Variants in SETD5 observed in about 807,000 individuals in gnomAD.
SETD5 encodes the protein histone-lysine N-methyltransferase SETD5.
In SETD5, 44 loss-of-function variants were observed where a neutral mutation model predicts 153.3. That is an observed-to-expected ratio of 0.29 (90% CI 0.23 to 0.37). SETD5 has a LOEUF of 0.37. Ranked by LOEUF, SETD5 falls within the 10% of genes least tolerant of loss-of-function variation. The pLI is 1.00. For missense variants in SETD5, 1,544 were observed against 1,768.0 expected, an observed-to-expected ratio of 0.87 and a Z score of 2.27; for synonymous variants, 716 against 645.2, an observed-to-expected ratio of 1.11 and a Z score of -1.66.
At chr3:9,406,809 T>C (rs1477747775) in intron 1 of SETD5, among the ~76,000 whole-genome samples, 3 of 152,202 alleles carry the variant, frequency 2.0e-5, no homozygotes, top group Admixed American at 1.3e-4. Context: ...CTAAAAATTA[T>C]AATGTCTGCA....
chr3:9,453,426 T>C (rs1006530364), intron 16 of SETD5, among the ~76,000 whole-genome samples: 1 of 152,196 alleles, frequency 6.6e-6, no homozygotes, highest in African/African-American at 2.4e-5. Context: ...AATGTTAAGA[T>C]TTCTTCCTCA....
At position 9,475,703 on chromosome 3, in the gene SETD5, T is replaced by C. The variant is rs377008740; in HGVS notation, c.3941T>C (p.Phe1314Ser). The change falls in exon 23 of 23, where the codon TTT becomes TCT. Residue 1314 changes from phenylalanine (F) to serine (S), a missense_variant. Physicochemically the swap from Phe to Ser is radical, Grantham distance 155 (BLOSUM62 -2). Around this residue, in one of 9 missense-constraint regions of SETD5, gnomAD observed 302 missense variants for 277.6 expected, o/e 1.09. Transcript: ENST00000402198. Reference protein sequence around the residue: ...HPVSTDSLAPFTGTPGYFSSQ... With the variant: ...HPVSTDSLAPSTGTPGYFSSQ... ...GTGTCCACAGACTCGTTGGCCCCAT[T>C]TACGGGGACACCAGGGTATTTTAGC... is the stretch of plus-strand genomic sequence containing the variant. 30 of 1,613,852 alleles carry C rather than the reference T, an allele frequency of 1.9e-5. No homozygotes were observed. The highest frequency in any genetic ancestry group is 2.4e-5 in the Non-Finnish European group (28 of 1,179,888).
In SETD5 at chr3:9,441,470, C is replaced by T. The variant is rs1013657186; in HGVS notation, c.811-123C>T. The T allele has an allele frequency of 1.1e-5, 9 of 846,200 alleles. No individual in the cohort carries two copies. In the African/African-American group the frequency reaches 1.4e-4, roughly 13 times the overall value. The allele number at this position is 846,200 out of a possible 1,614,324, so 52.4% of individuals were successfully genotyped here. A position where few individuals can be genotyped will look rare whatever the true frequency, so the allele number is the denominator to read the frequency against. On this transcript the variant is annotated intron_variant, in intron 8 of 22. Coordinates refer to ENST00000402198, the MANE Select transcript of SETD5 (RefSeq NM_001080517.3). ...CATTTTAAAATTTCTCATCATTGAT[C>T]TAAATAACATGTACAGATAAAACCT...
At chr3:9,432,861 C>A (rs2040129961) in intron 3 of SETD5, among the ~76,000 whole-genome samples, 1 of 152,130 alleles carries the variant, frequency 6.6e-6, no homozygotes. Flanking sequence ...TCTCACTAAG[C>A]CTGGTTAATA....
chr3:9,403,788 C>G (rs561179818), intron 1 of SETD5, among the ~76,000 whole-genome samples: 3 of 152,202 alleles, frequency 2.0e-5, no homozygotes, highest in South Asian at 2.1e-4. Context: ...GTTATCTGGT[C>G]CTTTAAACCA....
chr3:9,427,234 C>G (rs762472173), intron 2 of SETD5, among the ~76,000 whole-genome samples: 10 of 152,236 alleles, frequency 6.6e-5, no homozygotes, highest in Non-Finnish European at 1.3e-4. Context: ...TGGAGCATCT[C>G]AGACCATCTA....
intron 6 of SETD5, 138 bp from the exon 7 acceptor site, chr3:9,435,590 A>T: frequency 1.5e-6 from 1 of 679,454 alleles, no homozygotes; most frequent in Non-Finnish European, 2.3e-6. Context: ...ATGAGTATTT[A>T]ACGTTGCTTT....
Position 9,418,850 on chromosome 3 carries a change from A to G in SETD5, c.-176-5617A>G, listed in dbSNP as rs2037946883. 3.3e-5 allele frequency among the ~76,000 whole-genome samples: 5 copies of G among 151,612 alleles called. No homozygotes were observed. In the South Asian group the frequency reaches 1.0e-3, roughly 32 times the overall value. On this transcript the variant is annotated intron_variant, in intron 1 of 22. Transcript: ENST00000402198. ...ACATACATAAACATTGGGAATTTGC[A>G]GATAACTTTCATTTTAGGGTTTCTA...
At chr3:9,413,650 GT>G (rs139001151) in intron 1 of SETD5, among the ~76,000 whole-genome samples, 369 of 11,108 alleles carry the variant, frequency 0.033, no homozygotes, top group Non-Finnish European at 0.044. Context: ...GGGAGGCGGG[GT>G]GTGTGTGTGT....
At chr3:9,429,076 G>C in intron 3 of SETD5, 67 bp downstream of exon 3, 2 of 1,068,738 alleles carry the variant, frequency 1.9e-6, no homozygotes. Context: ...CTTATGGATA[G>C]CTAATAGGAT....
intron 7 of SETD5, among the ~76,000 whole-genome samples, chr3:9,438,212 G>A (rs2040825061): frequency 6.6e-6 from 1 of 152,184 alleles, no homozygotes. Context: ...CCTGGGATGT[G>A]TCTTGGAAGA....
At chr3:9,472,416 T>C (rs2045407994) in intron 19 of SETD5, among the ~76,000 whole-genome samples, 1 of 150,220 alleles carries the variant, frequency 6.7e-6, no homozygotes, top group African/African-American at 2.4e-5. Context: ...CGGATTATGG[T>C]GGGCAGGGTG....
At chr3:9,456,022 A>T (rs2043192078) in intron 17 of SETD5, among the ~76,000 whole-genome samples, 1 of 152,230 alleles carries the variant, frequency 6.6e-6, no homozygotes, top group South Asian at 2.1e-4. Flanking sequence ...AATTAGCATA[A>T]ATTCTGAGGA....
chr3:9,417,548 T>G (rs1352211281), intron 1 of SETD5, among the ~76,000 whole-genome samples: 75 of 150,500 alleles, frequency 5.0e-4, no homozygotes, highest in Non-Finnish European at 5.0e-4. Flanking sequence ...TGCAGTGGCG[T>G]GATCTCCACT....
Position 9,435,813 on chromosome 3 carries a change from A to T in SETD5, c.474A>T (p.Thr158=). 1 of 1,602,696 alleles carries T rather than the reference A, an allele frequency of 6.2e-7. No individual in the cohort carries two copies. The highest frequency in any genetic ancestry group is 8.5e-7 in the Non-Finnish European group (1 of 1,174,408). The change falls in exon 7 of 23, where the codon ACA becomes ACT. Residue 158 remains threonine, a synonymous_variant. Coordinates refer to ENST00000402198, the MANE Select transcript of SETD5 (RefSeq NM_001080517.3). The part of the protein sequence containing the change: ...VLYTATQHTP[T]SITLTVRRTK... ...ATACAGCAACACAGCACACACCTAC[A>T]AGCATCACCTTAACTGTTAGAAGAA...
rs1462006414 is a variant in SETD5 at position 9,435,245 on chromosome 3, A to C, written c.388+363A>C. Among the ~76,000 whole-genome samples the C allele has an allele frequency of 3.1e-4, 25 of 79,420 alleles. 1 individual carries two copies. In the South Asian group the frequency reaches 6.4e-3, roughly 20 times the overall value. 52.1% of individuals were successfully genotyped at this position (79,420 alleles called of 152,430 possible). On this transcript the variant is annotated intron_variant, in intron 6 of 22. Transcript: ENST00000402198. The stretch of plus-strand genomic sequence containing the variant: ...GCAACAAGAGCAAAACTCCCTCTCA[A>C]AAAAAAAAAAAAAAAAAAAAGAACC...
intron 1 of SETD5, among the ~76,000 whole-genome samples, chr3:9,417,817 T>C (rs1167552565): frequency 1.3e-5 from 2 of 151,756 alleles, no homozygotes; most frequent in Non-Finnish European, 2.9e-5. Context: ...ATTTTATTCT[T>C]TATTTTTTTC....
At chr3:9,466,287 CAAAA>C (rs146498301) in intron 18 of SETD5, among the ~76,000 whole-genome samples, 2 of 63,258 alleles carry the variant, frequency 3.2e-5, no homozygotes, top group East Asian at 6.6e-4. Context: ...GACTCCGTCT[CAAAA>C]AAAAAAAAAA....
At position 9,475,099 on chromosome 3, in the gene SETD5, A is replaced by C. The variant is rs1296966006; in HGVS notation, c.3663A>C (p.Leu1221Phe). 4.4e-6 allele frequency: 7 copies of C among 1,590,982 alleles called. No individual in the cohort carries two copies. Among genetic ancestry groups the C allele is most frequent in the Non-Finnish European group, 6.0e-6 (7 of 1,168,788 alleles). The change falls in exon 22 of 23, where the codon TTA becomes TTC. Residue 1221 changes from leucine to phenylalanine, a missense_variant. Physicochemically the swap from Leu to Phe is conservative, Grantham distance 22. Around this residue, in one of 9 missense-constraint regions of SETD5, gnomAD observed 302 missense variants for 277.6 expected, o/e 1.09. Transcript: ENST00000402198. ...DPADGEGPET[L>F]SSALSKGATV... ...CAGATGGAGAAGGCCCAGAGACATT[A>C]AGCTCAGCACTCTCTAAAGGAGCAA...
Sources: gnomAD v4.1 joint callset for allele counts (sites outside exome capture counted in the v4.1 genomes callset) on GRCh38, gnomAD v4.1.1 for gene constraint, gnomAD v4.1.1 regional missense constraint, MANE v1.5 for transcripts, NCBI Gene and HGNC (gene_info 2026-07-23, HGNC 2026-07-21) for gene names.